OCA2: variants seen among roughly 807,000 people sequenced by gnomAD.
The protein encoded by OCA2 is P protein.
OCA2 carries 77 observed loss-of-function variants against 100.2 expected under a neutral mutation model. The observed-to-expected ratio is 0.77, with a 90% CI of 0.64 to 0.93. The LOEUF (loss-of-function observed/expected upper bound fraction) is 0.93, where lower values mean the gene tolerates loss of function less well. Among genes scored for constraint, OCA2 ranks in the 40% least tolerant of loss-of-function variants. OCA2 has a pLI of 0.00. For synonymous variants in OCA2, 432 were observed against 439.2 expected (o/e 0.98, Z 0.21); for missense variants, 1,062 against 1,089.1 (o/e 0.98, Z 0.35).
At chr15:27,805,396 G>A (rs2033793501) in intron 23 of OCA2, among the ~76,000 whole-genome samples, 2 of 152,390 alleles carry the variant, frequency 1.3e-5, no homozygotes, top group Non-Finnish European at 1.5e-5. Context: ...AAAGCGGCTG[G>A]GTGTTCCAGA....
At chr15:28,048,020 A>G (rs1454391203) in intron 2 of OCA2, among the ~76,000 whole-genome samples, 1 of 152,234 alleles carries the variant, frequency 6.6e-6, no homozygotes, top group Non-Finnish European at 1.5e-5. Context: ...TCCATTTACA[A>G]TAGCATCCAA....
At chr15:27,955,280 G>C (rs576163154) in intron 16 of OCA2, 65 bp from the exon 17 acceptor site, 2 of 1,181,380 alleles carry the variant, frequency 1.7e-6, no homozygotes, top group African/African-American at 1.5e-5. Context: ...TCGCGGAGCA[G>C]CAGTCCCCAG....
chr15:27,974,167 T>A (rs2040892926), intron 14 of OCA2, among the ~76,000 whole-genome samples: 1 of 152,208 alleles, frequency 6.6e-6, no homozygotes, highest in African/African-American at 2.4e-5. Flanking sequence ...TGGGTACTCT[T>A]TATTTCTTTC....
In OCA2 at chr15:28,081,908, G is replaced by A; in HGVS notation, c.-21-13C>T. On this transcript the variant is annotated splice_polypyrimidine_tract_variant and intron_variant, in intron 1 of 23. Coordinates refer to ENST00000354638, the MANE Select transcript of OCA2 (RefSeq NM_000275.3). ...GCCAGTCTTCTCTCTAGGGCAGCCA[G>A]AAAGAAACCACTCTTCATGAAAGGC... 5.1e-6 allele frequency: 8 copies of A among 1,582,496 alleles called. No individual in the cohort carries two copies. The highest frequency in any genetic ancestry group is 6.9e-6 in the Non-Finnish European group (8 of 1,163,698).
chr15:27,796,717 G>A (rs1248845705), intron 23 of OCA2, among the ~76,000 whole-genome samples: 9 of 152,312 alleles, frequency 5.9e-5, no homozygotes, highest in African/African-American at 2.4e-5. Flanking sequence ...CAACTCCGCC[G>A]GGCATTTCCT....
the OCA2 span, among the ~76,000 whole-genome samples, chr15:27,735,921 A>G: frequency 6.6e-6 from 1 of 152,210 alleles, no homozygotes; most frequent in Non-Finnish European, 1.5e-5. Context: ...AAAGGATGCT[A>G]ATGAGTAACA....
At chr15:27,786,250 G>A (rs2032810377) in intron 23 of OCA2, among the ~76,000 whole-genome samples, 1 of 152,084 alleles carries the variant, frequency 6.6e-6, no homozygotes, top group Admixed American at 6.6e-5. Flanking sequence ...CAAGATGTTT[G>A]AGCTATTCTG....
At chr15:27,774,906 C>T (rs997549782) in intron 23 of OCA2, among the ~76,000 whole-genome samples, 3 of 152,136 alleles carry the variant, frequency 2.0e-5, no homozygotes, top group African/African-American at 4.8e-5. Context: ...TCCAGGCTCC[C>T]GAACGGTACA....
chr15:27,814,943 GATAC>G (rs2034235800), intron 23 of OCA2, among the ~76,000 whole-genome samples: 1 of 121,848 alleles, frequency 8.2e-6, no homozygotes, highest in East Asian at 2.2e-4. Flanking sequence ...TAGATAGATA[GATAC>G]AGAGATATAT....
At chr15:27,842,263 T>C (rs1265353301) in intron 23 of OCA2, among the ~76,000 whole-genome samples, 8 of 152,242 alleles carry the variant, frequency 5.3e-5, no homozygotes, top group Admixed American at 3.3e-4. Flanking sequence ...ATGTAATCTA[T>C]GGTAGGCAGG....
At chr15:28,053,604 T>C (rs917594825) in intron 2 of OCA2, among the ~76,000 whole-genome samples, 2 of 152,170 alleles carry the variant, frequency 1.3e-5, no homozygotes, top group African/African-American at 4.8e-5. Flanking sequence ...AAAACAAGCC[T>C]GGGCTCTTGC....
rs192192107 is a variant in OCA2 at position 27,962,881 on chromosome 15, A to G, written c.1636+3809T>C. Among the ~76,000 whole-genome samples, 370 of 152,334 alleles carry G rather than the reference A, an allele frequency of 2.4e-3. 3 individuals are homozygous for G. The highest frequency in any genetic ancestry group is 8.4e-3 in the African/African-American group (351 of 41,598). On this transcript the variant is annotated intron_variant, in intron 15 of 23. Transcript: ENST00000354638. ...GTAGATAAAAAATCAGGATGCTAAT[A>G]TATGCTGCTTACAAGAACTGTACTT...
At chr15:28,056,265 C>T (rs2043692871) in intron 2 of OCA2, among the ~76,000 whole-genome samples, 1 of 152,212 alleles carries the variant, frequency 6.6e-6, no homozygotes, top group African/African-American at 2.4e-5. Flanking sequence ...AAACAGTCCA[C>T]TTGGCCATGA....
chr15:28,073,598 G>A (rs2044332493), intron 2 of OCA2, among the ~76,000 whole-genome samples: 1 of 152,096 alleles, frequency 6.6e-6, no homozygotes. Context: ...GAATACTAGA[G>A]GATGAAGGAA....
chr15:27,725,000 T>C, the OCA2 span, among the ~76,000 whole-genome samples: 1 of 152,122 alleles, frequency 6.6e-6, no homozygotes, highest in Non-Finnish European at 1.5e-5. Flanking sequence ...TGACTTATGC[T>C]CTTGCTTTCA....
chr15:27,807,717 C>A (rs2033915829), intron 23 of OCA2, among the ~76,000 whole-genome samples: 1 of 152,126 alleles, frequency 6.6e-6, no homozygotes, highest in Admixed American at 6.5e-5. Context: ...ATCTCCTCTC[C>A]CATAAAAAAA....
intron 2 of OCA2, among the ~76,000 whole-genome samples, chr15:28,074,660 C>A (rs1483956520): frequency 3.1e-4 from 40 of 130,980 alleles, no homozygotes; most frequent in African/African-American, 1.2e-3. Context: ...GGCAACAGAG[C>A]GAGACTCCGT....
intron 21 of OCA2, among the ~76,000 whole-genome samples, chr15:27,865,448 G>A (rs1004139951): frequency 2.0e-5 from 3 of 152,234 alleles, no homozygotes; most frequent in Admixed American, 1.3e-4. Context: ...GGGAAGGCAG[G>A]CAGCTCTGCT....
At chr15:27,783,971 G>A (rs2032675430) in intron 23 of OCA2, among the ~76,000 whole-genome samples, 2 of 152,200 alleles carry the variant, frequency 1.3e-5, no homozygotes, top group African/African-American at 4.8e-5. Flanking sequence ...AGCAGGGGAG[G>A]AGAGGCAAGA....
Sources: gnomAD v4.1 joint callset for allele counts (sites outside exome capture counted in the v4.1 genomes callset) on GRCh38, gnomAD v4.1.1 for gene constraint, MANE v1.5 for transcripts, NCBI Gene and HGNC (gene_info 2026-07-23, HGNC 2026-07-21) for gene names.